Variants in GRM5 observed in about 807,000 individuals in gnomAD.
The protein encoded by GRM5 is glutamate metabotropic receptor 5, also known as metabotropic glutamate receptor 5.
GRM5 carries 19 observed loss-of-function variants against 83.1 expected under a neutral mutation model. The ratio of observed to expected loss-of-function variants is 0.23; its 90% CI spans 0.16 to 0.34. GRM5 has a LOEUF of 0.34. Ranked by LOEUF, GRM5 falls within the 10% of genes least tolerant of loss-of-function variation. The pLI is 1.00. For synonymous variants in GRM5, 675 were observed against 633.6 expected (o/e 1.07, Z -0.98); for missense variants, 1,160 against 1,588.3 (o/e 0.73, Z 4.58).
intron 2 of GRM5, among the ~76,000 whole-genome samples, chr11:89,016,976 A>G (rs1338919995): frequency 6.6e-6 from 1 of 152,174 alleles, no homozygotes; most frequent in Non-Finnish European, 1.5e-5. Context: ...ACTACCAAAT[A>G]CAGGTAGCAA....
At position 88,604,843 on chromosome 11, in the gene GRM5, T is replaced by C. The variant is rs1213245623; in HGVS notation, c.1269A>G (p.Ala423=). The C allele has an allele frequency of 1.2e-6, 2 of 1,613,948 alleles. No individual in the cohort carries two copies. The highest frequency in any genetic ancestry group is 1.7e-6 in the Non-Finnish European group (2 of 1,179,944). The change falls in exon 5 of 10, where the codon GCA becomes GCG. Residue 423 remains alanine, a synonymous_variant. Coordinates refer to ENST00000305447, the MANE Select transcript of GRM5 (RefSeq NM_001143831.3). ...TTGGCTTCATGGCATCACAGAGTCC[T>C]GCATAGCCTGGGCAGAGGGACATCT... is the stretch of plus-strand genomic sequence containing the variant. ...NMQMSLCPGY[A]GLCDAMKPID... is the part of the protein sequence containing the mutation.
chr11:88,508,640 A>G lies in GRM5; in HGVS notation c.3591T>C (p.Tyr1197=). 2 of 1,609,922 alleles carry G rather than the reference A, an allele frequency of 1.2e-6. No homozygotes were observed. The highest frequency in any genetic ancestry group is 2.3e-5 in the East Asian group (1 of 44,090). The change falls in exon 10 of 10, where the codon TAT becomes TAC. Residue 1197 remains tyrosine (Y), a synonymous_variant. Coordinates refer to ENST00000305447, the MANE Select transcript of GRM5 (RefSeq NM_001143831.3). The surrounding 1 kb of genome is among the most constrained non-coding windows in gnomAD (Gnocchi z 4.2). The stretch of plus-strand genomic sequence containing the variant: ...TGTAATCTCTTATGATAAGAGTGTC[A>G]TATTTGGGAGACGACGGGATACAGA... ...SALCIPSSPK[Y]DTLIIRDYTQ...
At chr11:88,684,767 A>G (rs1450347484) in intron 3 of GRM5, among the ~76,000 whole-genome samples, 1 of 152,078 alleles carries the variant, frequency 6.6e-6, no homozygotes, top group Non-Finnish European at 1.5e-5. Flanking sequence ...GTCTCACAAG[A>G]TCTGATGGTT....
rs116661924 is a variant in GRM5, at chr11:88,605,544, A to G, written c.1148-580T>C. Among the ~76,000 whole-genome samples the G allele has an allele frequency of 9.1e-3, 1,390 of 152,298 alleles. 21 individuals are homozygous for G. Among genetic ancestry groups the G allele is most frequent in the African/African-American group, 0.032 (1,319 of 41,560 alleles). ...TAATTCATTAATTAATTCAGTAAAC[A>G]TTTATTAGAGTCAGAATATACACAA... On this transcript the variant is annotated intron_variant, in intron 4 of 9. Transcript: ENST00000305447.
At chr11:88,572,298 C>G (rs1943020243) in intron 7 of GRM5, among the ~76,000 whole-genome samples, 1 of 152,086 alleles carries the variant, frequency 6.6e-6, no homozygotes, top group Non-Finnish European at 1.5e-5. Context: ...AACACCAATA[C>G]TAATGAATGA....
At chr11:88,741,103 G>A (rs368313259) in intron 3 of GRM5, among the ~76,000 whole-genome samples, 15 of 151,908 alleles carry the variant, frequency 9.9e-5, no homozygotes, top group East Asian at 3.9e-4. Flanking sequence ...GAAACTAGGC[G>A]GCAACCACAG....
intron 4 of GRM5, among the ~76,000 whole-genome samples, chr11:88,614,494 C>G (rs746225793): frequency 5.3e-5 from 8 of 152,092 alleles, no homozygotes; most frequent in Non-Finnish European, 1.0e-4. Flanking sequence ...GACTCTCAGG[C>G]AGTCACTATT....
intron 7 of GRM5, among the ~76,000 whole-genome samples, chr11:88,584,457 G>A (rs1305047703): frequency 1.3e-5 from 2 of 151,836 alleles, no homozygotes; most frequent in African/African-American, 4.8e-5. Context: ...TTTTTGAGAT[G>A]GAGTCTTGCT....
intron 8 of GRM5, among the ~76,000 whole-genome samples, chr11:88,548,976 G>A (rs1942443106): frequency 6.6e-6 from 1 of 152,138 alleles, no homozygotes; most frequent in Admixed American, 6.6e-5. Flanking sequence ...TCAAGCACAG[G>A]GGAAAAACAT....
At chr11:88,792,895 A>G (rs905802978) in intron 3 of GRM5, among the ~76,000 whole-genome samples, 7 of 152,166 alleles carry the variant, frequency 4.6e-5, no homozygotes, top group African/African-American at 9.6e-5. Flanking sequence ...TTAAACATGT[A>G]AGATGGGCCT....
intron 3 of GRM5, among the ~76,000 whole-genome samples, chr11:88,708,623 T>C (rs1348466003): frequency 6.6e-6 from 1 of 152,104 alleles, no homozygotes; most frequent in Admixed American, 6.6e-5. Context: ...TTAGACAATG[T>C]ATGTAAAAGT....
Position 88,834,046 on chromosome 11 carries a change from T to A in GRM5, c.911+15860A>T, listed in dbSNP as rs528448801. 3.1e-4 allele frequency among the ~76,000 whole-genome samples: 47 copies of A among 152,324 alleles called. No homozygotes were observed. In the Middle Eastern group the frequency reaches 0.01, roughly 33 times the overall value. ...AGATAGAAGAAAAACATTCTAATGT[T>A]TGTTAGCTGAGTAGACTATCATTAA... On this transcript the variant is annotated intron_variant, in intron 3 of 9. Coordinates refer to ENST00000305447, the MANE Select transcript of GRM5 (RefSeq NM_001143831.3).
At chr11:88,617,272 T>C (rs540975893) in intron 4 of GRM5, among the ~76,000 whole-genome samples, 10 of 152,230 alleles carry the variant, frequency 6.6e-5, no homozygotes, top group African/African-American at 2.2e-4. Flanking sequence ...ACTCTGATTC[T>C]CCCACTGAAT....
chr11:88,693,544 T>C (rs1940832423), intron 3 of GRM5, among the ~76,000 whole-genome samples: 1 of 152,134 alleles, frequency 6.6e-6, no homozygotes, highest in Admixed American at 6.5e-5. Flanking sequence ...GGGAGCTTAG[T>C]CTAATGTCAA....
chr11:88,781,727 A>G (rs1282477408), intron 3 of GRM5, among the ~76,000 whole-genome samples: 4 of 152,198 alleles, frequency 2.6e-5, no homozygotes, highest in Non-Finnish European at 5.9e-5. Flanking sequence ...GAAGACATTA[A>G]TGTGCTGACC....
chr11:88,975,234 C>T (rs952798433), intron 2 of GRM5, among the ~76,000 whole-genome samples: 5 of 152,160 alleles, frequency 3.3e-5, no homozygotes, highest in African/African-American at 4.8e-5. Flanking sequence ...AAAATCTTGA[C>T]GTTTCACAAA....
intron 3 of GRM5, among the ~76,000 whole-genome samples, chr11:88,797,188 C>A (rs372156417): frequency 6.6e-6 from 1 of 152,040 alleles, no homozygotes; most frequent in Non-Finnish European, 1.5e-5. Context: ...CTTGCTCTGT[C>A]ACCCAGGCTG....
At chr11:88,773,780 C>G (rs1003376975) in intron 3 of GRM5, among the ~76,000 whole-genome samples, 1 of 152,154 alleles carries the variant, frequency 6.6e-6, no homozygotes, top group African/African-American at 2.4e-5. Context: ...GGTATTATTT[C>G]TGAGGCCTCT....
chr11:88,893,882 GT>G (rs1256535961), intron 2 of GRM5, among the ~76,000 whole-genome samples: 2 of 151,974 alleles, frequency 1.3e-5, no homozygotes, highest in African/African-American at 4.8e-5. Flanking sequence ...TGATAGAGGA[GT>G]TAAGAAGAAA....
Sources: allele counts gnomAD v4.1 joint callset (sites outside exome capture counted in the v4.1 genomes callset), GRCh38; gene constraint gnomAD v4.1.1; non-coding constraint Gnocchi (gnomAD v3.1); transcripts MANE v1.5; gene names NCBI Gene and HGNC (gene_info 2026-07-23, HGNC 2026-07-21).